Variants in DIP2C observed in about 807,000 individuals in gnomAD.
The protein encoded by DIP2C is DIP2 acetate--CoA ligase C (putative).
Under a neutral mutation model 192.4 loss-of-function variants are expected in DIP2C, and 33 were observed. The observed-to-expected ratio is 0.17, with a 90% confidence interval of 0.13 to 0.23. DIP2C has a LOEUF of 0.23. Ranked by LOEUF, DIP2C falls within the 10% of genes least tolerant of loss-of-function variation. The pLI, the probability that DIP2C is intolerant of heterozygous loss-of-function variation, is 1.00. For missense variants in DIP2C, 1,537 were observed against 2,110.1 expected, an observed-to-expected ratio of 0.73 and a Z score of 5.32; for synonymous variants, 979 against 864.1, an observed-to-expected ratio of 1.13 and a Z score of -2.33.
chr10:311,009 T>A (rs1211179668), intron 31 of DIP2C, among the ~76,000 whole-genome samples: 1 of 152,000 alleles, frequency 6.6e-6, no homozygotes, highest in Non-Finnish European at 1.5e-5. Context: ...AATTTTCTTA[T>A]ATTGCTTATA....
chr10:656,443 C>G (rs1856340766), intron 1 of DIP2C, among the ~76,000 whole-genome samples: 1 of 152,198 alleles, frequency 6.6e-6, no homozygotes, highest in South Asian at 2.1e-4. Context: ...AAGAGCAGAG[C>G]CAGTTATACT....
intron 1 of DIP2C, among the ~76,000 whole-genome samples, chr10:536,274 A>C (rs1847687181): frequency 6.6e-6 from 1 of 152,196 alleles, no homozygotes; most frequent in Admixed American, 6.5e-5. Flanking sequence ...TTCCTCTCCA[A>C]GGACACCAGC....
chr10:344,451 G>A (rs965254101), intron 28 of DIP2C, among the ~76,000 whole-genome samples: 7 of 152,114 alleles, frequency 4.6e-5, no homozygotes, highest in South Asian at 2.1e-4. Flanking sequence ...AGCTGAGAGG[G>A]TCATGATGAT....
chr10:650,372 G>A (rs753458982), intron 1 of DIP2C: 17 of 716,938 alleles, frequency 2.4e-5, no homozygotes, highest in African/African-American at 1.7e-4. Flanking sequence ...TGTGGATAAC[G>A]CCAGCCCACG....
chr10:310,059 C>A lies in DIP2C; in HGVS notation c.3958G>T (p.Val1320Leu). ...TCGTGTCTCAGGGCTCTCATGTCCA[C>A]GTAGACAGTGGTTGGGTCAGGTCCT... is the stretch of plus-strand genomic sequence containing the variant. ...TSGPDPTTVY[V>L]DMRALRHDRV... Residue 1320 changes from valine (V) to leucine (L), a missense_variant, in exon 32 of 37, where the codon GTG becomes TTG. Transcript: ENST00000280886. The A allele has an allele frequency of 6.2e-7, 1 of 1,614,118 alleles. No homozygotes were observed. Among genetic ancestry groups the A allele is most frequent in the African/African-American group, 1.3e-5 (1 of 75,018 alleles).
chr10:616,098 C>A (rs1473985875), intron 1 of DIP2C, among the ~76,000 whole-genome samples: 1 of 152,196 alleles, frequency 6.6e-6, no homozygotes, highest in Non-Finnish European at 1.5e-5. Flanking sequence ...AGGCACTTCT[C>A]TTCACCCAGG....
At chr10:643,331 G>A (rs1382296601) in intron 1 of DIP2C, among the ~76,000 whole-genome samples, 1 of 152,094 alleles carries the variant, frequency 6.6e-6, no homozygotes, top group Admixed American at 6.5e-5. Flanking sequence ...GGCTAACACG[G>A]TAAAACCCCG....
intron 4 of DIP2C, chr10:437,654 G>C (rs1967377491): frequency 6.6e-6 from 1 of 152,122 alleles, no homozygotes; most frequent in South Asian, 2.1e-4. Flanking sequence ...GCAGAGGTGT[G>C]ATTTGGGTCC....
chr10:381,055 T>C (rs1182613581), intron 17 of DIP2C, among the ~76,000 whole-genome samples: 1 of 152,186 alleles, frequency 6.6e-6, no homozygotes, highest in African/African-American at 2.4e-5. Context: ...TCATCAAATT[T>C]ATTCAAAAGT....
intron 6 of DIP2C, among the ~76,000 whole-genome samples, chr10:417,856 GAGCTCGGACA>G (rs1965822061): frequency 1.0e-5 from 1 of 96,506 alleles, no homozygotes; most frequent in African/African-American, 4.9e-5. Flanking sequence ...GCACCTGTCA[GAGCTCGGACA>G]GGCCTCCCTG....
chr10:599,581 TGAC>T lies in DIP2C; in HGVS notation c.85+89910_85+89912del, dbSNP rs1267163406. 1.1e-4 allele frequency among the ~76,000 whole-genome samples: 16 copies of T among 152,156 alleles called. No individual in the cohort carries two copies. The East Asian group carries it at 1.7e-3, about 17-fold the overall frequency. On this transcript the variant is annotated intron_variant, in intron 1 of 36. Coordinates refer to ENST00000280886, the MANE Select transcript of DIP2C (RefSeq NM_014974.3). ...CGAAAGGCAGTGCTGTTCAGGAAAA[TGAC>T]GACATGTTAACCTGAAAAGGGCAAA...
intron 1 of DIP2C, among the ~76,000 whole-genome samples, chr10:613,278 A>G (rs537232435): frequency 9.6e-4 from 146 of 152,378 alleles, no homozygotes; most frequent in Middle Eastern, 3.4e-3. Flanking sequence ...AGTCCCTTAC[A>G]GGTCCTCGGC....
At chr10:424,432 C>G (rs1306351432) in intron 4 of DIP2C, among the ~76,000 whole-genome samples, 1 of 135,342 alleles carries the variant, frequency 7.4e-6, no homozygotes, top group African/African-American at 2.7e-5. Flanking sequence ...GTGGCGCGAT[C>G]TCAGCTCACA....
chr10:529,222 C>T (rs540881895), intron 1 of DIP2C, among the ~76,000 whole-genome samples: 9 of 152,336 alleles, frequency 5.9e-5, no homozygotes, highest in Admixed American at 1.3e-4. Flanking sequence ...ATACCACACA[C>T]CAGTACAGTG....
intron 1 of DIP2C, among the ~76,000 whole-genome samples, chr10:523,767 G>T (rs879808172): frequency 1.4e-5 from 2 of 145,944 alleles, no homozygotes; most frequent in South Asian, 2.3e-4. Flanking sequence ...TGACCAACAC[G>T]CCCGTTTCCA....
At chr10:280,204 T>TA (rs1564498163) in intron 36 of DIP2C, among the ~76,000 whole-genome samples, 1 of 152,180 alleles carries the variant, frequency 6.6e-6, no homozygotes, top group Admixed American at 6.5e-5. Context: ...GCCAAGGCCT[T>TA]AGTGTTCAAA....
intron 33 of DIP2C, among the ~76,000 whole-genome samples, chr10:287,439 C>A (rs1451363050): frequency 6.6e-6 from 1 of 152,132 alleles, no homozygotes; most frequent in Non-Finnish European, 1.5e-5. Flanking sequence ...AATAGTCACA[C>A]TGTTAAATCT....
intron 32 of DIP2C, among the ~76,000 whole-genome samples, chr10:309,063 A>G (rs1189966448): frequency 6.6e-6 from 1 of 152,192 alleles, no homozygotes; most frequent in Non-Finnish European, 1.5e-5. Flanking sequence ...GGAAGGCACC[A>G]TGTCCCACGC....
intron 1 of DIP2C, among the ~76,000 whole-genome samples, chr10:658,140 CCTGGACCTGACG>C (rs1856512349): frequency 1.5e-5 from 2 of 130,590 alleles, no homozygotes; most frequent in South Asian, 2.4e-4. Context: ...TGGACCTGTC[CCTGGACCTGACG>C]CTGGACCTGC....
Sources: allele counts gnomAD v4.1 joint callset (sites outside exome capture counted in the v4.1 genomes callset), GRCh38; gene constraint gnomAD v4.1.1; transcripts MANE v1.5; gene names NCBI Gene and HGNC (gene_info 2026-07-23, HGNC 2026-07-21).